Variants in ANKRD46 observed in about 807,000 individuals in gnomAD.
ANKRD46 encodes the protein ankyrin repeat domain-containing protein 46.
ANKRD46 carries 13 observed loss-of-function variants against 19.8 expected under a neutral mutation model. That is an observed-to-expected ratio of 0.66 (90% CI 0.43 to 1.04). The LOEUF is 1.04. Ranked by LOEUF, ANKRD46 falls within the 50% of genes least tolerant of loss-of-function variation. The pLI is 0.00. For missense variants in ANKRD46, 185 were observed against 274.8 expected (o/e 0.67, Z 2.31); for synonymous variants, 91 against 106.9 (o/e 0.85, Z 0.92).
intron 2 of ANKRD46, among the ~76,000 whole-genome samples, chr8:100,530,745 G>A (rs1303356094): frequency 6.6e-6 from 1 of 152,154 alleles, no homozygotes; most frequent in Non-Finnish European, 1.5e-5. Context: ...AAAAATCAGA[G>A]CATGAAATCA....
intron 1 of ANKRD46, chr8:100,556,864 T>G (rs1457617261): frequency 6.6e-6 from 1 of 152,204 alleles, no homozygotes; most frequent in East Asian, 1.9e-4. Context: ...GCCTCTCCTT[T>G]GTAATTATTC....
intron 1 of ANKRD46, among the ~76,000 whole-genome samples, chr8:100,540,542 A>G (rs1563488144): frequency 1.3e-5 from 2 of 152,214 alleles, no homozygotes; most frequent in African/African-American, 4.8e-5. Flanking sequence ...ATCATTCTCA[A>G]GTACTTCCTA....
At chr8:100,528,703 C>T (rs1437561336) in intron 3 of ANKRD46, among the ~76,000 whole-genome samples, 1 of 152,046 alleles carries the variant, frequency 6.6e-6, no homozygotes, top group African/African-American at 2.4e-5. Flanking sequence ...CTATTTAGCG[C>T]TAATAATAGG....
At chr8:100,518,273 C>T (rs886765191), downstream of ANKRD46, among the ~76,000 whole-genome samples, 5 of 152,072 alleles carry the variant, frequency 3.3e-5, no homozygotes, top group South Asian at 2.1e-4. Flanking sequence ...AAAATGATTT[C>T]ACATAAATTA....
intron 1 of ANKRD46, among the ~76,000 whole-genome samples, chr8:100,552,592 T>A (rs1348069932): frequency 1.3e-5 from 2 of 152,254 alleles, no homozygotes; most frequent in African/African-American, 2.4e-5. Flanking sequence ...TAAGGCCATG[T>A]AACATATCAC....
intron 5 of ANKRD46, among the ~76,000 whole-genome samples, chr8:100,514,716 GGCTCAAGTGATTCCCAGA>G (rs999234106): frequency 2.9e-5 from 4 of 138,980 alleles, no homozygotes; most frequent in African/African-American, 8.1e-5. Flanking sequence ...CCACCCCTGG[GGCTCAAGTGATTCCCAGA>G]GCTCAAGTGA....
chr8:100,523,602 C>CT (rs1408718088), intron 4 of ANKRD46, among the ~76,000 whole-genome samples: 4 of 152,040 alleles, frequency 2.6e-5, no homozygotes, highest in Non-Finnish European at 5.9e-5. Context: ...TGGAAGGTTA[C>CT]TCCTCAGCCT....
intron 1 of ANKRD46, among the ~76,000 whole-genome samples, chr8:100,540,427 G>A (rs1369877145): frequency 6.6e-6 from 1 of 152,124 alleles, no homozygotes; most frequent in Non-Finnish European, 1.5e-5. Flanking sequence ...CAAATTAACT[G>A]TTTTTAATCA....
rs1812014582 is a variant in ANKRD46, at chr8:100,534,003, G to A, written c.-130-692C>T. Among the ~76,000 whole-genome samples the A allele has an allele frequency of 6.6e-6, 1 of 152,206 alleles. No homozygotes were observed. The highest frequency in any genetic ancestry group is 2.1e-4 in the South Asian group (1 of 4,836). ...CACTCAGCTCTTCTCTGGAAGGACC[G>A]TGGAAGCAGGGTCATGGGCAGGCAG... is the stretch of plus-strand genomic sequence containing the variant. On this transcript the variant is annotated intron_variant, in intron 1 of 4. Transcript: ENST00000335659. The surrounding 1 kb of genome is among the most constrained non-coding windows in gnomAD (Gnocchi z 4.2).
chr8:100,550,436 A>G lies in ANKRD46; in HGVS notation c.-131+9275T>C, dbSNP rs1812360520. 6.6e-6 allele frequency: 1 copy of G among 151,864 alleles called. No individual in the cohort carries two copies. Among genetic ancestry groups the G allele is most frequent in the African/African-American group, 2.4e-5 (1 of 41,268 alleles). The allele number at this position is 151,864 out of a possible 1,614,324, so 9.4% of individuals were successfully genotyped here. ...ACATATGACGTGGAGCATCTTTTTC[A>G]TATGTTTATTTGCCATCTGTATATC... On this transcript the variant is annotated intron_variant, in intron 1 of 4. Transcript: ENST00000335659. The surrounding 1 kb of genome is among the most constrained non-coding windows in gnomAD (Gnocchi z 4.4).
At position 100,532,474 on chromosome 8, in the gene ANKRD46, ACAAACCAAAC is replaced by A. The variant is rs369746785; in HGVS notation, c.-28+725_-28+734del. The stretch of plus-strand genomic sequence containing the variant: ...TCAAAGTGAGGCCTGTCTCAAAAAA[ACAAACCAAAC>A]CAAACCAAACCAAACCAACAAACAG... On this transcript the variant is annotated intron_variant, in intron 2 of 4. Coordinates refer to ENST00000335659, the MANE Select transcript of ANKRD46 (RefSeq NM_001270377.2). The surrounding 1 kb of genome is among the most constrained non-coding windows in gnomAD (Gnocchi z 4.7). The A allele has an allele frequency of 0.012, 1,820 of 152,304 alleles. 13 individuals carry two copies. Among genetic ancestry groups the A allele is most frequent in the Middle Eastern group, 0.02 (6 of 294 alleles). The allele number at this position is 152,304 out of a possible 1,614,324, so 9.4% of individuals were successfully genotyped here. A position where few individuals can be genotyped will look rare whatever the true frequency, so the allele number is the denominator to read the frequency against.
In ANKRD46 at chr8:100,537,523, T is replaced by A. The variant is rs924564854; in HGVS notation, c.-130-4212A>T. On this transcript the variant is annotated intron_variant, in intron 1 of 4. Transcript: ENST00000335659. This position sits in a 1 kb window ranked among gnomAD's most constrained non-coding sequence, Gnocchi z 4.2. The stretch of plus-strand genomic sequence containing the variant: ...AGATTCTATCACTTGCTTATTCTTA[T>A]CCTTTTAAGAGGATACAGCTGTTTC... Among the ~76,000 whole-genome samples the A allele has an allele frequency of 6.6e-6, 1 of 152,352 alleles. No individual in the cohort carries two copies. The highest frequency in any genetic ancestry group is 2.1e-4 in the South Asian group (1 of 4,832).
At position 100,550,869 on chromosome 8, in the gene ANKRD46, T is replaced by C; in HGVS notation, c.-131+8842A>G. ...GGAAGAGTGAGTGTCACTGTTAAAG[T>C]CAGAGGAAACAACCTGGTGTTCAGT... On this transcript the variant is annotated intron_variant, in intron 1 of 4. Transcript: ENST00000335659. The surrounding 1 kb of genome is among the most constrained non-coding windows in gnomAD (Gnocchi z 4.4). The C allele has an allele frequency of 3.9e-6, 2 of 514,022 alleles. No homozygotes were observed. The highest frequency in any genetic ancestry group is 7.4e-6 in the Non-Finnish European group (2 of 270,984). The allele number at this position is 514,022 out of a possible 1,614,324, so 31.8% of individuals were successfully genotyped here. A position where few individuals can be genotyped will look rare whatever the true frequency, so the allele number is the denominator to read the frequency against.
At chr8:100,530,786 T>A (rs954291184) in intron 2 of ANKRD46, among the ~76,000 whole-genome samples, 1 of 152,204 alleles carries the variant, frequency 6.6e-6, no homozygotes, top group African/African-American at 2.4e-5. Flanking sequence ...ACTATTGATC[T>A]TATTCTGCTG....
rs149275317 is a variant in ANKRD46 at position 100,534,161 on chromosome 8, C to G, written c.-130-850G>C. Among the ~76,000 whole-genome samples the G allele has an allele frequency of 5.4e-4, 83 of 152,300 alleles. No individual in the cohort carries two copies. Among genetic ancestry groups the G allele is most frequent in the African/African-American group, 1.9e-3 (78 of 41,564 alleles). On this transcript the variant is annotated intron_variant, in intron 1 of 4. Transcript: ENST00000335659. This position sits in a 1 kb window ranked among gnomAD's most constrained non-coding sequence, Gnocchi z 4.2. ...GGGTGAAATACAGGTTAACTTTTTACCGATCATCCTTGTTCATTGTTATCA... is the reference window on the plus strand; with the variant it reads ...GGGTGAAATACAGGTTAACTTTTTAGCGATCATCCTTGTTCATTGTTATCA...
chr8:100,526,844 T>C (rs1811852180), intron 4 of ANKRD46, among the ~76,000 whole-genome samples: 1 of 152,168 alleles, frequency 6.6e-6, no homozygotes, highest in Admixed American at 6.6e-5. Flanking sequence ...ATGGTCTAAG[T>C]GGATTATGTG....
chr8:100,528,118 G>T (rs1179151988), intron 3 of ANKRD46, 115 bp from the exon 4 acceptor site: 6 of 1,195,500 alleles, frequency 5.0e-6, no homozygotes, highest in Non-Finnish European at 1.1e-6. Flanking sequence ...AGTGAAGAAA[G>T]AATGGGCCCA....
chr8:100,511,488 T>C lies in ANKRD46; in HGVS notation c.637-849A>G, dbSNP rs62518344. Among the ~76,000 whole-genome samples the C allele has an allele frequency of 0.05, 7,543 of 152,194 alleles. 295 individuals are homozygous for C. Among genetic ancestry groups the C allele is most frequent in the Non-Finnish European group, 0.073 (4,995 of 67,998 alleles). On this transcript the variant is annotated intron_variant, in intron 5 of 5. Transcript: ENST00000520552. This position sits in a 1 kb window ranked among gnomAD's most constrained non-coding sequence, Gnocchi z 4.1. ...CTGTGGTGTACTGAGGGTAGGCATG[T>C]CATCTCATCCTTTCACATCTATTCT...
At chr8:100,539,832 T>C (rs1812139385) in intron 1 of ANKRD46, among the ~76,000 whole-genome samples, 1 of 152,210 alleles carries the variant, frequency 6.6e-6, no homozygotes, top group Non-Finnish European at 1.5e-5. Flanking sequence ...GAGGATTGCT[T>C]GAGCCCCGGA....
Sources: allele counts gnomAD v4.1 joint callset (sites outside exome capture counted in the v4.1 genomes callset), GRCh38; gene constraint gnomAD v4.1.1; non-coding constraint Gnocchi (gnomAD v3.1); transcripts MANE v1.5; gene names NCBI Gene and HGNC (gene_info 2026-07-23, HGNC 2026-07-21).